ESD: variants seen among roughly 807,000 people sequenced by gnomAD.
The protein encoded by ESD is esterase D, also known as S-formylglutathione hydrolase.
ESD carries 34 observed loss-of-function variants against 38.1 expected under a neutral mutation model. The observed-to-expected ratio is 0.89, with a 90% CI of 0.68 to 1.19. The LOEUF is 1.19. Ranked by LOEUF, ESD falls within the 50% of genes most tolerant of loss-of-function variation. The probability of loss-of-function intolerance (pLI) is 0.00; values close to 1 mark genes in which losing one functional copy is unlikely to be tolerated. For missense variants in ESD, 334 were observed against 327.2 expected (o/e 1.02, Z -0.16); for synonymous variants, 97 against 107.0 (o/e 0.91, Z 0.58).
rs1263063760 is a variant in ESD, at chr13:46,777,569, G to A, written c.655C>T (p.Leu219=). The A allele has an allele frequency of 6.2e-7, 1 of 1,611,326 alleles. No homozygotes were observed. The highest frequency in any genetic ancestry group is 8.5e-7 in the Non-Finnish European group (1 of 1,178,182). The change falls in exon 9 of 10, where the codon CTA becomes TTA. Residue 219 remains leucine (L), a synonymous_variant. Transcript: ENST00000378720. ...KSYPGSQLDI[L]IDQGKDDQFL... ...TGGTCATCTTTCCCTTGATCAATTA[G>A]TATGTCCAGCTGAGATCCTGGATAG...
At chr13:46,793,930 A>T (rs1875480463) in intron 1 of ESD, among the ~76,000 whole-genome samples, 1 of 152,172 alleles carries the variant, frequency 6.6e-6, no homozygotes, top group South Asian at 2.1e-4. Context: ...ACTAGAAAGG[A>T]TGTATAAGAA....
chr13:46,782,764 T>C lies in ESD; in HGVS notation c.284A>G (p.Glu95Gly). The C allele has an allele frequency of 6.2e-7, 1 of 1,612,274 alleles. No homozygotes were observed. The highest frequency in any genetic ancestry group is 2.2e-5 in the East Asian group (1 of 44,832). ...AGCACCAGTGCCAAAGTCCCAGCTC[T>C]CATCTTCACCTTTAATATTGCAGCC... ...PRGCNIKGED[E>G]SWDFGTGAGF... Residue 95 changes from glutamate to glycine, a missense_variant, in exon 6 of 10, where the codon GAG (glutamate) becomes GGG (glycine). Physicochemically the swap from Glu to Gly is moderately conservative, Grantham distance 98. Coordinates refer to ENST00000378720, the MANE Select transcript of ESD (RefSeq NM_001984.2).
intron 9 of ESD, among the ~76,000 whole-genome samples, chr13:46,774,858 G>A (rs958973058): frequency 2.6e-4 from 40 of 152,124 alleles, no homozygotes; most frequent in Admixed American, 2.4e-3. Flanking sequence ...ATAAGCATGG[G>A]ATACAGAGAT....
chr13:46,797,648 G>C (rs1323209381), upstream of ESD, among the ~76,000 whole-genome samples: 1 of 152,166 alleles, frequency 6.6e-6, no homozygotes, highest in Non-Finnish European at 1.5e-5. Flanking sequence ...TCCAGTGGCC[G>C]ACACGCAGTG....
At position 46,778,466 on chromosome 13, in the gene ESD, T is replaced by C. The variant is rs540049049; in HGVS notation, c.601-843A>G. Among the ~76,000 whole-genome samples the C allele has an allele frequency of 2.0e-5, 3 of 151,920 alleles. No homozygotes were observed. The South Asian group carries it at 6.2e-4, about 31-fold the overall frequency. The stretch of plus-strand genomic sequence containing the variant: ...ATTCTACATGGTTTCCTGATTTCAA[T>C]CGTAAATTAAATAATACCCTAAATA... On this transcript the variant is annotated intron_variant, in intron 8 of 9. Coordinates refer to ENST00000378720, the MANE Select transcript of ESD (RefSeq NM_001984.2).
At chr13:46,785,890 A>G (rs1007557186) in intron 4 of ESD, among the ~76,000 whole-genome samples, 2 of 151,982 alleles carry the variant, frequency 1.3e-5, no homozygotes, top group African/African-American at 4.8e-5. Flanking sequence ...ATATGACTAT[A>G]GTACCCCTCA....
intron 7 of ESD, among the ~76,000 whole-genome samples, chr13:46,780,430 AG>A (rs1874959098): frequency 1.3e-5 from 2 of 151,918 alleles, no homozygotes; most frequent in South Asian, 4.1e-4. Flanking sequence ...TCTCTTAAAC[AG>A]TACCAACAAA....
chr13:46,772,294 A>G (rs550900936), intron 9 of ESD, among the ~76,000 whole-genome samples: 51 of 152,240 alleles, frequency 3.3e-4, no homozygotes, highest in Non-Finnish European at 6.6e-4. Context: ...ATTTCTATCT[A>G]TCCAGTCATT....
Position 46,781,531 on chromosome 13 carries a change from G to C in ESD, c.466C>G (p.Leu156Val). ...FGHSMGGHGA[L>V]ICALKNPGKY... ...CCAGGATTTTTCAAAGCACAGATCA[G>C]AGCTCCATGACCTCCCATGGAGTGG... Residue 156 changes from leucine to valine, a missense_variant, in exon 7 of 10, where the codon CTG (leucine) becomes GTG (valine). Coordinates refer to ENST00000378720, the MANE Select transcript of ESD (RefSeq NM_001984.2). 1.2e-6 allele frequency: 2 copies of C among 1,608,008 alleles called. No homozygotes were observed. The highest frequency in any genetic ancestry group is 1.7e-6 in the Non-Finnish European group (2 of 1,175,962).
At chr13:46,791,457 ATTAG>A in intron 2 of ESD, 37 bp from the exon 3 acceptor site, 1 of 1,499,778 alleles carries the variant, frequency 6.7e-7, no homozygotes, top group Non-Finnish European at 9.2e-7. Context: ...TTTCCAGAGA[ATTAG>A]TTACTGAAAA....
intron 5 of ESD, 40 bp downstream of exon 5, chr13:46,784,212 T>G (rs1432161157): frequency 2.7e-6 from 4 of 1,498,240 alleles, no homozygotes; most frequent in Non-Finnish European, 3.7e-6. Context: ...TCTTAAAGAT[T>G]TAGATTTTTA....
chr13:46,794,345 T>G (rs535254720), intron 1 of ESD, among the ~76,000 whole-genome samples: 24 of 152,144 alleles, frequency 1.6e-4, no homozygotes, highest in African/African-American at 5.1e-4. Context: ...TTATTTTTTA[T>G]TTTTTGGAGA....
At chr13:46,784,902 G>A (rs954420134) in intron 4 of ESD, among the ~76,000 whole-genome samples, 1 of 151,944 alleles carries the variant, frequency 6.6e-6, no homozygotes, top group Non-Finnish European at 1.5e-5. Flanking sequence ...TGGTGCATAA[G>A]CCCAATATTA....
intron 1 of ESD, among the ~76,000 whole-genome samples, chr13:46,795,922 T>C (rs1362531797): frequency 7.9e-5 from 12 of 152,010 alleles, no homozygotes; most frequent in Non-Finnish European, 1.3e-4. Flanking sequence ...CCCAGGTAAT[T>C]TTTTGTAGAG....
intron 6 of ESD, 51 bp from the exon 7 acceptor site, chr13:46,781,666 G>C (rs987033243): frequency 6.5e-7 from 1 of 1,528,018 alleles, no homozygotes; most frequent in Admixed American, 1.8e-5. Flanking sequence ...AATAAGTTCA[G>C]ACATTTCAAA....
Position 46,771,321 on chromosome 13 carries a change from T to C in ESD, c.*95A>G. 1 of 787,902 alleles carries C rather than the reference T, an allele frequency of 1.3e-6. No homozygotes were observed. Among genetic ancestry groups the C allele is most frequent in the African/African-American group, 1.8e-5 (1 of 55,244 alleles). The allele number at this position is 787,902 out of a possible 1,614,324, so 48.8% of individuals were successfully genotyped here. The stretch of plus-strand genomic sequence containing the variant: ...ATAAAGCCCTTTTAGCACTATAAAA[T>C]CCAATGTTTTGAATTTTTTTTTTTT... On this transcript the variant is annotated 3_prime_UTR_variant, in exon 10 of 10. Coordinates refer to ENST00000378720, the MANE Select transcript of ESD (RefSeq NM_001984.2).
At chr13:46,792,208 T>C (rs778431567) in intron 2 of ESD, among the ~76,000 whole-genome samples, 8 of 152,086 alleles carry the variant, frequency 5.3e-5, no homozygotes, top group Non-Finnish European at 1.2e-4. Flanking sequence ...GATTCTGACA[T>C]GTACCTCTCA....
chr13:46,779,869 A>C, intron 8 of ESD, 66 bp downstream of exon 8: 1 of 1,243,706 alleles, frequency 8.0e-7, no homozygotes, highest in East Asian at 2.5e-5. Context: ...AATATAATAT[A>C]TGTCCAACCT....
At chr13:46,790,645 A>G (rs1165699212) in intron 3 of ESD, 1 of 152,130 alleles carries the variant, frequency 6.6e-6, no homozygotes, top group African/African-American at 2.4e-5. Context: ...AAGCTGGGAC[A>G]CTCTCAGATC....
Sources: allele counts gnomAD v4.1 joint callset (sites outside exome capture counted in the v4.1 genomes callset), GRCh38; gene constraint gnomAD v4.1.1; transcripts MANE v1.5; gene names NCBI Gene and HGNC (gene_info 2026-07-23, HGNC 2026-07-21).